The following CDYL2 variants were observed in gnomAD, a reference collection of about 807,000 sequenced individuals.
CDYL2 encodes chromodomain Y like 2.
In CDYL2, 23 loss-of-function variants were observed where a neutral mutation model predicts 49.4. The ratio of observed to expected loss-of-function variants is 0.47; its 90% confidence interval spans 0.34 to 0.66. The LOEUF (loss-of-function observed/expected upper bound fraction) is 0.66. Ranked by LOEUF, CDYL2 falls within the 30% of genes least tolerant of loss-of-function variation. The pLI is 0.01. For synonymous variants in CDYL2, 360 were observed against 268.8 expected (o/e 1.34, Z -3.32); for missense variants, 678 against 656.4 (o/e 1.03, Z -0.36).
intron 1 of CDYL2, among the ~76,000 whole-genome samples, chr16:80,780,784 T>C (rs1907239296): frequency 6.6e-6 from 1 of 152,118 alleles, no homozygotes; most frequent in Non-Finnish European, 1.5e-5. Context: ...ATCAACAACA[T>C]AAGGCTAATG....
chr16:80,764,713 T>C (rs1906654327), intron 1 of CDYL2, among the ~76,000 whole-genome samples: 1 of 151,910 alleles, frequency 6.6e-6, no homozygotes, highest in African/African-American at 2.4e-5. Flanking sequence ...GTTAAGAAAA[T>C]AATAATAATT....
rs552978667 is a variant in CDYL2 at position 80,680,187 on chromosome 16, G to T, written c.616+4351C>A. Among the ~76,000 whole-genome samples, 202 of 152,328 alleles carry T rather than the reference G, an allele frequency of 1.3e-3. 5 individuals are homozygous for T. In the South Asian group the frequency reaches 0.04, roughly 30 times the overall value. On this transcript the variant is annotated intron_variant, in intron 2 of 6. Transcript: ENST00000570137. ...GGAGAGAAAATGGCAAATGTTGCGT[G>T]TGTGTGTTGTGTGGAATGACTCGTT...
intron 2 of CDYL2, among the ~76,000 whole-genome samples, chr16:80,647,776 T>C (rs1053137570): frequency 3.9e-5 from 6 of 152,204 alleles, no homozygotes; most frequent in African/African-American, 1.4e-4. Context: ...GGCTACATTT[T>C]AATTCACAAA....
chr16:80,790,309 C>T (rs1354381368), intron 1 of CDYL2, among the ~76,000 whole-genome samples: 2 of 152,082 alleles, frequency 1.3e-5, no homozygotes, highest in Non-Finnish European at 2.9e-5. Context: ...AAAGAAATAC[C>T]TAAGATAGCA....
chr16:80,676,238 A>G (rs1165640184), intron 2 of CDYL2, among the ~76,000 whole-genome samples: 1 of 152,228 alleles, frequency 6.6e-6, no homozygotes, highest in Non-Finnish European at 1.5e-5. Flanking sequence ...CCTGTGAAAG[A>G]CAAAAGATTA....
At chr16:80,772,860 G>T (rs1043366784) in intron 1 of CDYL2, among the ~76,000 whole-genome samples, 2 of 152,146 alleles carry the variant, frequency 1.3e-5, no homozygotes, top group Non-Finnish European at 2.9e-5. Flanking sequence ...AATGTTCTCA[G>T]TCAATAAAAA....
At chr16:80,614,118 C>G (rs898448280) in intron 4 of CDYL2, among the ~76,000 whole-genome samples, 32 of 152,268 alleles carry the variant, frequency 2.1e-4, no homozygotes, top group African/African-American at 7.0e-4. Flanking sequence ...AATTAGCACT[C>G]AGTAAACAGC....
chr16:80,713,945 G>T (rs1264574390), intron 1 of CDYL2, among the ~76,000 whole-genome samples: 1 of 152,118 alleles, frequency 6.6e-6, no homozygotes, highest in Non-Finnish European at 1.5e-5. Flanking sequence ...ATGTCAGAAT[G>T]AATGTGCTTC....
intron 1 of CDYL2, among the ~76,000 whole-genome samples, chr16:80,726,981 G>C (rs911020417): frequency 1.3e-5 from 2 of 152,224 alleles, no homozygotes; most frequent in African/African-American, 4.8e-5. Flanking sequence ...AGCTACCCAA[G>C]AGACTGATGT....
At chr16:80,642,431 A>C (rs1218285284) in intron 2 of CDYL2, among the ~76,000 whole-genome samples, 2 of 152,194 alleles carry the variant, frequency 1.3e-5, no homozygotes, top group Non-Finnish European at 2.9e-5. Context: ...TAACGGAGCG[A>C]GACTCCATCT....
At chr16:80,725,404 C>T (rs148366483) in intron 1 of CDYL2, among the ~76,000 whole-genome samples, 53 of 152,280 alleles carry the variant, frequency 3.5e-4, no homozygotes, top group African/African-American at 1.1e-3. Context: ...TTCATGGTGA[C>T]GATCCACTTC....
At chr16:80,710,863 C>T (rs1478932428) in intron 1 of CDYL2, among the ~76,000 whole-genome samples, 2 of 152,164 alleles carry the variant, frequency 1.3e-5, no homozygotes, top group East Asian at 3.8e-4. Context: ...TAGTTCTTCA[C>T]TGCATATCAT....
rs112413120 is a variant in CDYL2 at position 80,639,239 on chromosome 16, T to C, written c.617-6003A>G. On this transcript the variant is annotated intron_variant, in intron 2 of 6. Coordinates refer to ENST00000570137, the MANE Select transcript of CDYL2 (RefSeq NM_152342.4). Reference sequence around the variant, plus strand: ...GGATGCCGAGTGACAGGAATGCTCATTCACTGCTGGTGGGCATATAAGATG... The same window carrying C: ...GGATGCCGAGTGACAGGAATGCTCACTCACTGCTGGTGGGCATATAAGATG... Among the ~76,000 whole-genome samples, 856 of 152,316 alleles carry C rather than the reference T, an allele frequency of 5.6e-3. 7 individuals carry two copies. The highest frequency in any genetic ancestry group is 8.1e-3 in the Non-Finnish European group (551 of 68,022).
intron 2 of CDYL2, among the ~76,000 whole-genome samples, chr16:80,661,014 C>T (rs116531308): frequency 4.6e-5 from 7 of 152,062 alleles, no homozygotes; most frequent in Non-Finnish European, 7.4e-5. Context: ...GGCCACAGAG[C>T]CTGAGACAGA....
At chr16:80,643,666 G>A (rs1908205192) in intron 2 of CDYL2, among the ~76,000 whole-genome samples, 1 of 152,244 alleles carries the variant, frequency 6.6e-6, no homozygotes, top group African/African-American at 2.4e-5. Context: ...AACACCACAT[G>A]GAAGATGCCA....
At position 80,612,133 on chromosome 16, in the gene CDYL2, G is replaced by C. The variant is rs867022137; in HGVS notation, c.1218+493C>G. ...TGGCCAATACCACATGAGTGGAGGG[G>C]AAGACGCCCCTGCCGGCCTGGCCCA... On this transcript the variant is annotated intron_variant, in intron 5 of 6. Transcript: ENST00000570137. The surrounding 1 kb of genome is among the most constrained non-coding windows in gnomAD (Gnocchi z 5.0). 1.5e-4 allele frequency among the ~76,000 whole-genome samples: 23 copies of C among 152,346 alleles called. 1 individual carries two copies. The Middle Eastern group carries it at 0.017, about 113-fold the overall frequency.
At chr16:80,758,581 C>G (rs374782783) in intron 1 of CDYL2, among the ~76,000 whole-genome samples, 1 of 136,456 alleles carries the variant, frequency 7.3e-6, no homozygotes, top group East Asian at 2.2e-4. Context: ...TCCACACTGT[C>G]GCTCAGGCTG....
At chr16:80,772,529 T>C (rs549623822) in intron 1 of CDYL2, among the ~76,000 whole-genome samples, 1 of 152,300 alleles carries the variant, frequency 6.6e-6, no homozygotes, top group Admixed American at 6.5e-5. Flanking sequence ...CTCGGCTCAC[T>C]GCAACCTCTG....
chr16:80,622,916 C>T (rs1907145942), intron 3 of CDYL2, among the ~76,000 whole-genome samples: 1 of 152,070 alleles, frequency 6.6e-6, no homozygotes, highest in South Asian at 2.1e-4. Flanking sequence ...TGAGTACTTG[C>T]ACCCCCAACC....
Sources: allele counts gnomAD v4.1 joint callset (sites outside exome capture counted in the v4.1 genomes callset), GRCh38; gene constraint gnomAD v4.1.1; non-coding constraint Gnocchi (gnomAD v3.1); transcripts MANE v1.5; gene names NCBI Gene and HGNC (gene_info 2026-07-23, HGNC 2026-07-21).